Variants in CNTN1 observed in about 807,000 individuals in gnomAD.
CNTN1 encodes contactin 1.
CNTN1 carries 38 observed loss-of-function variants against 126.4 expected under a neutral mutation model. That is an observed-to-expected ratio of 0.30 (90% CI 0.23 to 0.39). CNTN1 has a LOEUF of 0.39. Among genes scored for constraint, CNTN1 ranks in the 10% least tolerant of loss-of-function variants. The pLI, the probability that CNTN1 is intolerant of heterozygous loss-of-function variation, is 1.00. For missense variants in CNTN1, 1,009 were observed against 1,248.4 expected, an observed-to-expected ratio of 0.81 and a Z score of 2.89; for synonymous variants, 413 against 422.6, an observed-to-expected ratio of 0.98 and a Z score of 0.28.
At chr12:40,990,241 G>A (rs961367192) in intron 16 of CNTN1, among the ~76,000 whole-genome samples, 1 of 152,176 alleles carries the variant, frequency 6.6e-6, no homozygotes, top group Admixed American at 6.5e-5. Flanking sequence ...CTAAAAAGAA[G>A]AGTTGTCAAG....
At chr12:40,905,936 G>A (rs1944793146) in intron 1 of CNTN1, among the ~76,000 whole-genome samples, 1 of 152,132 alleles carries the variant, frequency 6.6e-6, no homozygotes, top group Non-Finnish European at 1.5e-5. Flanking sequence ...AAAATAAAAA[G>A]CTAAAAATCT....
chr12:41,047,989 T>A (rs981419158), intron 23 of CNTN1, among the ~76,000 whole-genome samples: 1 of 152,142 alleles, frequency 6.6e-6, no homozygotes, highest in Non-Finnish European at 1.5e-5. Context: ...GTATCCTCAC[T>A]CTTTCCATAT....
chr12:40,982,228 CTTA>C (rs1470815791), intron 16 of CNTN1, among the ~76,000 whole-genome samples: 1 of 152,034 alleles, frequency 6.6e-6, no homozygotes, highest in African/African-American at 2.4e-5. Flanking sequence ...TTACATTATG[CTTA>C]TTGTTTTAAG....
chr12:40,926,346 C>T (rs997785404), intron 6 of CNTN1, among the ~76,000 whole-genome samples: 25 of 151,720 alleles, frequency 1.6e-4, no homozygotes, highest in Admixed American at 1.4e-3. Context: ...TATGAGTATC[C>T]GAGAGAAGAG....
intron 1 of CNTN1, among the ~76,000 whole-genome samples, chr12:40,853,919 G>C (rs902096962): frequency 2.6e-5 from 4 of 151,226 alleles, no homozygotes; most frequent in Non-Finnish European, 5.9e-5. Context: ...GTGAAAAAAT[G>C]TGTTTATGTA....
At chr12:40,842,484 T>C (rs1346117359) in intron 1 of CNTN1, among the ~76,000 whole-genome samples, 1 of 152,128 alleles carries the variant, frequency 6.6e-6, no homozygotes, top group Non-Finnish European at 1.5e-5. Flanking sequence ...ACATTGTATA[T>C]AGGCATCAAA....
At chr12:40,736,667 A>G (rs1393484709) in intron 1 of CNTN1, among the ~76,000 whole-genome samples, 1 of 152,128 alleles carries the variant, frequency 6.6e-6, no homozygotes, top group Non-Finnish European at 1.5e-5. Context: ...TGCATTGATA[A>G]AGAATGAAAA....
chr12:40,972,246 G>T, intron 15 of CNTN1: 1 of 985,294 alleles, frequency 1.0e-6, no homozygotes, highest in Non-Finnish European at 1.2e-6. Flanking sequence ...GATCGTTTGG[G>T]TGGAAGGTTG....
intron 1 of CNTN1, among the ~76,000 whole-genome samples, chr12:40,700,992 G>T (rs969960273): frequency 6.6e-6 from 1 of 152,092 alleles, no homozygotes; most frequent in African/African-American, 2.4e-5. Context: ...TGCATGGAGA[G>T]GCTAGAATTC....
intron 15 of CNTN1, among the ~76,000 whole-genome samples, chr12:40,965,807 A>G (rs1181755836): frequency 6.6e-6 from 1 of 152,184 alleles, no homozygotes; most frequent in Non-Finnish European, 1.5e-5. Flanking sequence ...TACATTCAAC[A>G]TATTCTTAAA....
At chr12:40,705,971 C>A (rs953249133) in intron 1 of CNTN1, among the ~76,000 whole-genome samples, 5 of 152,028 alleles carry the variant, frequency 3.3e-5, no homozygotes, top group African/African-American at 1.2e-4. Flanking sequence ...GGTGCTAAAC[C>A]ATTCATGAGA....
At chr12:40,778,784 A>G (rs1024603214) in intron 1 of CNTN1, among the ~76,000 whole-genome samples, 1 of 151,780 alleles carries the variant, frequency 6.6e-6, no homozygotes, top group Non-Finnish European at 1.5e-5. Flanking sequence ...TTGGCTCTCA[A>G]CGACTGATTG....
At chr12:40,819,918 C>G (rs181774628) in intron 1 of CNTN1, among the ~76,000 whole-genome samples, 226 of 152,292 alleles carry the variant, frequency 1.5e-3, no homozygotes, top group Middle Eastern at 6.8e-3. Flanking sequence ...GGGGGTTCCC[C>G]TTCCTTGTGT....
intron 3 of CNTN1, among the ~76,000 whole-genome samples, chr12:40,912,540 T>C (rs187901981): frequency 4.1e-4 from 62 of 152,184 alleles, no homozygotes; most frequent in African/African-American, 1.4e-3. Context: ...GTATAATATA[T>C]ATTTTGTAAG....
chr12:40,943,540 T>C, intron 12 of CNTN1, 57 bp from the exon 13 acceptor site: 1 of 1,293,060 alleles, frequency 7.7e-7, no homozygotes, highest in Non-Finnish European at 1.1e-6. Context: ...ATCTAAGACA[T>C]AATAATGTAT....
chr12:40,787,735 C>A (rs1940079023), intron 1 of CNTN1, among the ~76,000 whole-genome samples: 1 of 151,966 alleles, frequency 6.6e-6, no homozygotes, highest in African/African-American at 2.4e-5. Flanking sequence ...TTTATTTTTT[C>A]CCAGAATTAC....
At chr12:41,035,833 A>G (rs775559767) in intron 23 of CNTN1, among the ~76,000 whole-genome samples, 30 of 152,136 alleles carry the variant, frequency 2.0e-4, no homozygotes, top group Non-Finnish European at 3.4e-4. Flanking sequence ...ATGAGGTTGG[A>G]GAGGTAAGAG....
At chr12:40,939,868 G>C (rs1344595098) in intron 12 of CNTN1, among the ~76,000 whole-genome samples, 2 of 152,014 alleles carry the variant, frequency 1.3e-5, no homozygotes, top group Non-Finnish European at 2.9e-5. Context: ...ACTGAATTTT[G>C]TGCAGTTAGC....
intron 1 of CNTN1, among the ~76,000 whole-genome samples, chr12:40,861,251 G>A (rs1943107171): frequency 6.6e-6 from 1 of 151,836 alleles, no homozygotes; most frequent in Non-Finnish European, 1.5e-5. Flanking sequence ...AAGTGTTTTG[G>A]CTGCATTTGT....
Sources: gnomAD v4.1 joint callset for allele counts (sites outside exome capture counted in the v4.1 genomes callset) on GRCh38, gnomAD v4.1.1 for gene constraint, MANE v1.5 for transcripts, NCBI Gene and HGNC (gene_info 2026-07-23, HGNC 2026-07-21) for gene names.